EXOC3L2: variants seen among roughly 807,000 people sequenced by gnomAD.
EXOC3L2 encodes exocyst complex component 3 like 2.
Under a neutral mutation model 44.4 loss-of-function variants are expected in EXOC3L2, and 17 were observed. The observed-to-expected ratio is 0.38, with a 90% confidence interval of 0.26 to 0.57. The LOEUF (loss-of-function observed/expected upper bound fraction) is 0.57. Among genes scored for constraint, EXOC3L2 ranks in the 20% least tolerant of loss-of-function variants. The pLI, the probability that EXOC3L2 is intolerant of heterozygous loss-of-function variation, is 0.65. For synonymous variants in EXOC3L2, 256 were observed against 253.7 expected (o/e 1.01, Z -0.09); for missense variants, 541 against 588.4 (o/e 0.92, Z 0.83).
intron 1 of EXOC3L2, among the ~76,000 whole-genome samples, chr19:45,241,134 C>T (rs1395900177): frequency 6.6e-6 from 1 of 152,150 alleles, no homozygotes; most frequent in African/African-American, 2.4e-5. Context: ...CCTGCCCTGG[C>T]CTCCTCCCTG....
chr19:45,231,968 C>T, intron 3 of EXOC3L2, 94 bp from the exon 4 acceptor site: 1 of 669,094 alleles, frequency 1.5e-6, no homozygotes, highest in Non-Finnish European at 2.4e-6. Context: ...GTTTCTGTGA[C>T]CCTGGGCCAC....
intron 11 of EXOC3L2, among the ~76,000 whole-genome samples, chr19:45,215,526 A>C (rs997116180): frequency 7.2e-5 from 11 of 152,184 alleles, no homozygotes; most frequent in African/African-American, 2.7e-4. Flanking sequence ...CTGAAATAAG[A>C]ACTCATTGAG....
chr19:45,231,918 G>A, intron 3 of EXOC3L2, 44 bp from the exon 4 acceptor site: 2 of 1,417,154 alleles, frequency 1.4e-6, no homozygotes, highest in Middle Eastern at 4.2e-4. Flanking sequence ...GAAAAGTGGG[G>A]CTGGGCAGTT....
At chr19:45,232,796 GCCCGGGCATGGTGGCTCACACCTGT>G (rs1410772829) in intron 3 of EXOC3L2, among the ~76,000 whole-genome samples, 1 of 152,150 alleles carries the variant, frequency 6.6e-6, no homozygotes, top group African/African-American at 2.4e-5. Context: ...CCTAAAACTG[GCCCGGGCATGGTGGCTCACACCTGT>G]AATCGAAGCA....
chr19:45,212,774 T>C lies in EXOC3L2; in HGVS notation c.*295A>G, dbSNP rs1194205421. ...CGTGCCCAGCTAATTTTTTATTTTT[T>C]GTAGAGATAGGGGGCAGGTCTCACT... On this transcript the variant is annotated 3_prime_UTR_variant, in exon 12 of 12. Coordinates refer to ENST00000413988, the MANE Select transcript of EXOC3L2 (RefSeq NM_001382422.1). 1.3e-5 allele frequency: 4 copies of C among 308,372 alleles called. No homozygotes were observed. The highest frequency in any genetic ancestry group is 2.3e-5 in the Non-Finnish European group (4 of 171,026). 19.1% of individuals were successfully genotyped at this position (308,372 alleles called of 1,614,324 possible).
chr19:45,226,031 A>G (rs765384763), intron 7 of EXOC3L2, among the ~76,000 whole-genome samples: 3 of 152,190 alleles, frequency 2.0e-5, no homozygotes, highest in Non-Finnish European at 4.4e-5. Flanking sequence ...GGGCATGAAG[A>G]GTTCTCACGC....
At chr19:45,244,264 T>A (rs1378086645) in intron 1 of EXOC3L2, among the ~76,000 whole-genome samples, 1 of 152,020 alleles carries the variant, frequency 6.6e-6, no homozygotes, top group Non-Finnish European at 1.5e-5. Context: ...ACATGCCTCA[T>A]CCCAAAATGG....
chr19:45,226,913 C>T (rs564982724), intron 7 of EXOC3L2, among the ~76,000 whole-genome samples: 15 of 150,156 alleles, frequency 1.0e-4, no homozygotes, highest in African/African-American at 3.7e-4. Context: ...CCACCAAGCC[C>T]GGCTAATTTT....
At chr19:45,226,546 C>A (rs1969962488) in intron 7 of EXOC3L2, among the ~76,000 whole-genome samples, 1 of 151,980 alleles carries the variant, frequency 6.6e-6, no homozygotes. Flanking sequence ...AAGCGATTCT[C>A]CTGCCTCAGC....
At chr19:45,243,257 G>A (rs183486284) in intron 1 of EXOC3L2, among the ~76,000 whole-genome samples, 6 of 152,340 alleles carry the variant, frequency 3.9e-5, no homozygotes, top group Admixed American at 3.3e-4. Flanking sequence ...TGCTGGACGT[G>A]TAGCTTGTTT....
chr19:45,222,344 C>A (rs777932580), intron 8 of EXOC3L2, among the ~76,000 whole-genome samples: 2 of 151,762 alleles, frequency 1.3e-5, no homozygotes, highest in Non-Finnish European at 2.9e-5. Context: ...GAATTACAGG[C>A]GCTTGCCACC....
chr19:45,225,132 T>C (rs1428157037), intron 7 of EXOC3L2, among the ~76,000 whole-genome samples: 1 of 132,492 alleles, frequency 7.5e-6, no homozygotes, highest in Non-Finnish European at 1.6e-5. Context: ...CTCATGGATG[T>C]TGGGGGGCTG....
At chr19:45,231,653 GA>G in intron 4 of EXOC3L2, 109 bp downstream of exon 4, 4 of 945,924 alleles carry the variant, frequency 4.2e-6, no homozygotes, top group Non-Finnish European at 6.4e-6. Context: ...TTCGTAAAGG[GA>G]AAAGGGAGTT....
At chr19:45,221,705 C>T (rs60269219) in intron 8 of EXOC3L2, among the ~76,000 whole-genome samples, 12,917 of 145,596 alleles carry the variant, frequency 0.089, 792 homozygotes, top group African/African-American at 0.17. Flanking sequence ...TGGAGTGCTA[C>T]GGTGTGAACA....
rs756646501 is a variant in EXOC3L2, at chr19:45,213,097, G to A, written c.2381C>T (p.Ser794Phe). Residue 794 changes from serine (S) to phenylalanine (F), a missense_variant, in exon 12 of 12, where the codon TCT (serine) becomes TTT (phenylalanine). Transcript: ENST00000413988. ...LACLPRPRPPSLARPRAQR is the reference protein window; with the variant it reads ...LACLPRPRPPFLARPRAQR ...GCGCTGGGCCCGAGGTCGCGCTAGA[G>A]ACGGAGGCCGGGGCCGAGGCAGACA... 3 of 1,527,154 alleles carry A rather than the reference G, an allele frequency of 2.0e-6. No homozygotes were observed. The highest frequency in any genetic ancestry group is 4.2e-4 in the Middle Eastern group (2 of 4,800). The allele number at this position is 1,527,154 out of a possible 1,614,324, so 94.6% of individuals were successfully genotyped here.
chr19:45,228,285 A>C lies in EXOC3L2; in HGVS notation c.1270-19T>G, dbSNP rs777746624. 1 of 1,611,790 alleles carries C rather than the reference A, an allele frequency of 6.2e-7. No homozygotes were observed. The highest frequency in any genetic ancestry group is 2.2e-5 in the East Asian group (1 of 44,864). On this transcript the variant is annotated intron_variant, in intron 4 of 11. Coordinates refer to ENST00000413988, the MANE Select transcript of EXOC3L2 (RefSeq NM_001382422.1). ...TCTGAGCCTACAGTAGGGAGAGGGG[A>C]GACAGGCAGGAGTTGGGGGCGGCCT...
intron 7 of EXOC3L2, among the ~76,000 whole-genome samples, chr19:45,225,617 T>C (rs973288027): frequency 2.2e-5 from 3 of 138,800 alleles, no homozygotes; most frequent in African/African-American, 8.2e-5. Context: ...CCCTTACTCT[T>C]CTCTTTTTTT....
intron 1 of EXOC3L2, among the ~76,000 whole-genome samples, chr19:45,240,895 C>G (rs1970125968): frequency 6.6e-6 from 1 of 152,092 alleles, no homozygotes; most frequent in Admixed American, 6.6e-5. Flanking sequence ...TAGAGCAAGA[C>G]TCAGTCTCAA....
Position 45,234,764 on chromosome 19 carries a change from C to G in EXOC3L2, c.586G>C (p.Glu196Gln), listed in dbSNP as rs1395238748. 1 of 396,138 alleles carries G rather than the reference C, an allele frequency of 2.5e-6. No individual in the cohort carries two copies. Among genetic ancestry groups the G allele is most frequent in the Non-Finnish European group, 4.5e-6 (1 of 224,508 alleles). 24.5% of individuals were successfully genotyped at this position (396,138 alleles called of 1,614,324 possible). The change falls in exon 3 of 12, where the codon GAG becomes CAG. Residue 196 changes from glutamate to glutamine, a missense_variant. Coordinates refer to ENST00000413988, the MANE Select transcript of EXOC3L2 (RefSeq NM_001382422.1). The surrounding 1 kb of genome is among the most constrained non-coding windows in gnomAD (Gnocchi z 5.0). ...ELARADEHIL[E>Q]LEAEELAPSR... ...GGCGCCAGCTCCTCGGCCTCTAGCT[C>G]CAGGATGTGCTCGTCCGCACGCGCT...
Sources: gnomAD v4.1 joint callset for allele counts (sites outside exome capture counted in the v4.1 genomes callset) on GRCh38, gnomAD v4.1.1 for gene constraint, Gnocchi (gnomAD v3.1) non-coding constraint, MANE v1.5 for transcripts, NCBI Gene and HGNC (gene_info 2026-07-23, HGNC 2026-07-21) for gene names.